CPNE5: variants seen among roughly 807,000 people sequenced by gnomAD.
The protein encoded by CPNE5 is copine-5.
CPNE5 carries 42 observed loss-of-function variants against 81.1 expected under a neutral mutation model. That is an observed-to-expected ratio of 0.52 (90% confidence interval 0.40 to 0.67). The LOEUF (loss-of-function observed/expected upper bound fraction) is 0.67. Among genes scored for constraint, CPNE5 ranks in the 30% least tolerant of loss-of-function variants. The probability of loss-of-function intolerance (pLI) is 0.00; values close to 1 mark genes in which losing one functional copy is unlikely to be tolerated. For synonymous variants in CPNE5, 313 were observed against 321.5 expected, an observed-to-expected ratio of 0.97 and a Z score of 0.28; for missense variants, 612 against 815.5, an observed-to-expected ratio of 0.75 and a Z score of 3.04.
At chr6:36,809,272 G>A (rs960533857) in intron 3 of CPNE5, among the ~76,000 whole-genome samples, 4 of 152,100 alleles carry the variant, frequency 2.6e-5, no homozygotes, top group African/African-American at 9.7e-5. Flanking sequence ...GAGAGGAGGA[G>A]GAGAGAAAGA....
chr6:36,802,279 T>G (rs964106365), intron 3 of CPNE5, among the ~76,000 whole-genome samples: 1 of 151,528 alleles, frequency 6.6e-6, no homozygotes, highest in South Asian at 2.1e-4. Flanking sequence ...TATATGCTTT[T>G]TTTCCCCACA....
At chr6:36,764,071 TG>T (rs1481489067) in intron 11 of CPNE5, among the ~76,000 whole-genome samples, 6 of 151,008 alleles carry the variant, frequency 4.0e-5, no homozygotes, top group Non-Finnish European at 7.4e-5. Context: ...GAGGTGTCCC[TG>T]GGGCCCCACC....
intron 1 of CPNE5, among the ~76,000 whole-genome samples, chr6:36,835,820 A>G (rs1392698777): frequency 1.3e-5 from 2 of 151,576 alleles, no homozygotes; most frequent in African/African-American, 4.9e-5. Flanking sequence ...AAAAAAAAAG[A>G]ATCTCTAGAT....
chr6:36,808,333 C>T (rs1000336687), intron 3 of CPNE5, among the ~76,000 whole-genome samples: 1 of 151,984 alleles, frequency 6.6e-6, no homozygotes, highest in Non-Finnish European at 1.5e-5. Context: ...TCAGGTAATC[C>T]ACCCCCAACC....
At chr6:36,827,530 C>T (rs1772607769) in intron 1 of CPNE5, 1 of 985,410 alleles carries the variant, frequency 1.0e-6, no homozygotes, top group South Asian at 4.7e-5. Flanking sequence ...GGCAGCCGTC[C>T]AAATACCACA....
intron 1 of CPNE5, chr6:36,827,560 A>T: frequency 2.0e-6 from 2 of 985,324 alleles, no homozygotes; most frequent in Non-Finnish European, 2.4e-6. Flanking sequence ...ACCGTCTCTT[A>T]GGGCCTCAGT....
chr6:36,804,163 A>T (rs1044832622), intron 3 of CPNE5, among the ~76,000 whole-genome samples: 2 of 152,238 alleles, frequency 1.3e-5, no homozygotes, highest in Non-Finnish European at 2.9e-5. Context: ...ACCTAAACCC[A>T]GGTATATCTA....
intron 1 of CPNE5, among the ~76,000 whole-genome samples, chr6:36,833,888 A>G (rs767351859): frequency 1.4e-4 from 21 of 152,270 alleles, no homozygotes; most frequent in Non-Finnish European, 2.4e-4. Context: ...TCACATAGCA[A>G]TTGAGAACTA....
chr6:36,792,907 G>A (rs1056163498), intron 7 of CPNE5, among the ~76,000 whole-genome samples: 2 of 152,158 alleles, frequency 1.3e-5, no homozygotes, highest in South Asian at 4.1e-4. Flanking sequence ...CCACTGGGAG[G>A]GAGAGGAAAA....
intron 9 of CPNE5, among the ~76,000 whole-genome samples, chr6:36,776,570 G>C (rs1041832485): frequency 1.3e-5 from 2 of 152,116 alleles, no homozygotes; most frequent in South Asian, 4.1e-4. Flanking sequence ...GGGAATGGGT[G>C]GTCCCAGAGG....
At chr6:36,756,395 G>T in intron 12 of CPNE5, 97 bp from the exon 13 acceptor site, 1 of 1,005,562 alleles carries the variant, frequency 9.9e-7, no homozygotes, top group Non-Finnish European at 1.5e-6. Context: ...TCCAAGCCCA[G>T]CCCCATTAGA....
intron 7 of CPNE5, among the ~76,000 whole-genome samples, chr6:36,793,548 C>T (rs1244696216): frequency 3.3e-5 from 5 of 152,130 alleles, no homozygotes; most frequent in African/African-American, 9.7e-5. Flanking sequence ...CTTCTATTTC[C>T]GATCCTTCTT....
At chr6:36,749,439 AG>A (rs1430097763) in intron 14 of CPNE5, among the ~76,000 whole-genome samples, 3 of 152,240 alleles carry the variant, frequency 2.0e-5, no homozygotes, top group African/African-American at 7.2e-5. Context: ...CTAGATATTT[AG>A]TATTAAGGAA....
chr6:36,794,489 G>A (rs1353985105), intron 7 of CPNE5, 101 bp downstream of exon 7: 19 of 1,122,750 alleles, frequency 1.7e-5, no homozygotes, highest in South Asian at 1.1e-4. Context: ...GGCCAAATTC[G>A]CAGTGATGGG....
intron 12 of CPNE5, among the ~76,000 whole-genome samples, chr6:36,761,646 CAG>C (rs748463680): frequency 2.2e-4 from 34 of 152,296 alleles, no homozygotes; most frequent in Non-Finnish European, 4.4e-4. Flanking sequence ...CAGTGCTCAG[CAG>C]ATGGTGACAG....
intron 12 of CPNE5, chr6:36,757,474 G>C: frequency 3.2e-6 from 2 of 618,174 alleles, no homozygotes; most frequent in Non-Finnish European, 4.0e-6. Flanking sequence ...CAGCCATCTG[G>C]GTAGTGACAG....
intron 3 of CPNE5, among the ~76,000 whole-genome samples, chr6:36,805,118 GA>G (rs892517509): frequency 3.3e-5 from 5 of 151,334 alleles, no homozygotes; most frequent in South Asian, 2.1e-4. Flanking sequence ...AAGAGACGTT[GA>G]AAAAAAAATC....
rs980766775 is a variant in CPNE5 at position 36,764,255 on chromosome 6, G to A, written c.779+1080C>T. Among the ~76,000 whole-genome samples the A allele has an allele frequency of 4.6e-5, 7 of 152,098 alleles. No individual in the cohort carries two copies. The East Asian group carries it at 1.3e-3, about 29-fold the overall frequency. ...AAGGAGTACAGGAACGCCAGGGTAA[G>A]ACGAGGCAAATTCCAGGTGGAAACA... On this transcript the variant is annotated intron_variant, in intron 11 of 20. Transcript: ENST00000244751.
intron 1 of CPNE5, among the ~76,000 whole-genome samples, chr6:36,835,334 C>T (rs371605285): frequency 9.9e-5 from 15 of 152,186 alleles, no homozygotes; most frequent in East Asian, 1.9e-4. Context: ...TTGATTGACT[C>T]GGCAGGATGG....
Sources: gnomAD v4.1 joint callset for allele counts (sites outside exome capture counted in the v4.1 genomes callset) on GRCh38, gnomAD v4.1.1 for gene constraint, MANE v1.5 for transcripts, NCBI Gene and HGNC (gene_info 2026-07-23, HGNC 2026-07-21) for gene names.